The following RAET1L variants were observed in gnomAD, a reference collection of about 807,000 sequenced individuals.
RAET1L encodes retinoic acid early transcript 1L, also known as UL16-binding protein 6.
Under a neutral mutation model 23.9 loss-of-function variants are expected in RAET1L, and 16 were observed. The observed-to-expected ratio is 0.67, with a 90% CI of 0.45 to 1.02. The LOEUF (loss-of-function observed/expected upper bound fraction) is 1.02, where lower values mean the gene tolerates loss of function less well. Among genes scored for constraint, RAET1L ranks in the 50% least tolerant of loss-of-function variants. The probability of loss-of-function intolerance (pLI) is 0.00; values close to 1 mark genes in which losing one functional copy is unlikely to be tolerated. For missense variants in RAET1L, 233 were observed against 304.0 expected, an observed-to-expected ratio of 0.77 and a Z score of 1.74; for synonymous variants, 70 against 111.2, an observed-to-expected ratio of 0.63 and a Z score of 2.33.
At chr6:150,019,569 T>TTAATTCCTGGGACCTAAGCC (rs71010878) in intron 4 of RAET1L, among the ~76,000 whole-genome samples, 1 of 134,364 alleles carries the variant, frequency 7.4e-6, no homozygotes, top group South Asian at 2.5e-4. Flanking sequence ...ACCTTCCACC[T>TTAATTCCTGGGACCTAAGCC]ACTTTCTGTG....
intron 2 of RAET1L, among the ~76,000 whole-genome samples, chr6:150,021,664 C>T (rs1373613622): frequency 1.8e-4 from 25 of 139,038 alleles, no homozygotes; most frequent in Non-Finnish European, 3.2e-4. Context: ...GGCACCACCT[C>T]GGCTCACTGC....
In RAET1L at chr6:150,018,793, C is replaced by A. The variant is rs1481842524; in HGVS notation, c.*85G>T. On this transcript the variant is annotated 3_prime_UTR_variant, in exon 5 of 5. Transcript: ENST00000367341. ...ACACCGTAGGTGGTGGGCAGCTGGCCAGACAGAAGGGCGAGGTTGATCAAG... is the reference window on the plus strand; with the variant it reads ...ACACCGTAGGTGGTGGGCAGCTGGCAAGACAGAAGGGCGAGGTTGATCAAG... 1.1e-5 allele frequency: 3 copies of A among 279,080 alleles called. No homozygotes were observed. The highest frequency in any genetic ancestry group is 4.6e-5 in the African/African-American group (2 of 43,438). 17.3% of individuals were successfully genotyped at this position (279,080 alleles called of 1,614,324 possible).
In RAET1L at chr6:150,021,091, G is replaced by A. The variant is rs375980644; in HGVS notation, c.445C>T (p.Leu149=). The part of the protein sequence containing the change: ...WQFSIDGQTF[L]LFDSEKRMWT... ...ATTCTCTTCTCTGAGTCAAAGAGTA[G>A]GAAGGTCTGTCCATCGATACTGAAC... The change falls in exon 3 of 5, where the codon CTA becomes TTA. Residue 149 remains leucine (L), a synonymous_variant. Transcript: ENST00000367341. The A allele has an allele frequency of 3.1e-6, 5 of 1,614,012 alleles. No individual in the cohort carries two copies. In the African/African-American group the frequency reaches 5.3e-5, roughly 17 times the overall value.
At chr6:150,022,678 C>A (rs1582848790) in intron 1 of RAET1L, among the ~76,000 whole-genome samples, 1 of 117,414 alleles carries the variant, frequency 8.5e-6, no homozygotes, top group Middle Eastern at 4.3e-3. Context: ...GAGGATGGAA[C>A]CCCGTTGGAT....
chr6:150,025,087 G>A (rs889065747), intron 1 of RAET1L, among the ~76,000 whole-genome samples: 2 of 152,148 alleles, frequency 1.3e-5, no homozygotes, highest in Non-Finnish European at 2.9e-5. Context: ...CCGAAAGGCG[G>A]GTGGGACTGC....
Position 150,025,450 on chromosome 6 carries a change from C to T in RAET1L, c.22G>A (p.Ala8Thr). Residue 8 changes from alanine (A) to threonine (T), a missense_variant, in exon 1 of 5, where the codon GCT becomes ACT. This residue lies in a region of RAET1L where 42 missense variants were observed against 35.0 expected (regional missense o/e 1.20). Coordinates refer to ENST00000367341, the MANE Select transcript of RAET1L (RefSeq NM_130900.3). MAAAAIPALLLCLPLLFL... is the reference protein window; with the variant it reads MAAAAIPTLLLCLPLLFL... ...AGAAGCGGGAGGCACAGAAGCAAAGCTGGGATGGCGGCTGCTGCCATTGGG... is the reference window on the plus strand; with the variant it reads ...AGAAGCGGGAGGCACAGAAGCAAAGTTGGGATGGCGGCTGCTGCCATTGGG... 1 of 1,614,030 alleles carries T rather than the reference C, an allele frequency of 6.2e-7. No individual in the cohort carries two copies.
At chr6:150,023,583 ACTCTGCTGTTG>A (rs1354801866) in intron 1 of RAET1L, among the ~76,000 whole-genome samples, 1 of 152,138 alleles carries the variant, frequency 6.6e-6, no homozygotes, top group African/African-American at 2.4e-5. Flanking sequence ...TAACTACTCA[ACTCTGCTGTTG>A]AAGCTCAAAA....
At chr6:150,021,236 C>T (rs1779883953) in intron 2 of RAET1L, 50 bp from the exon 3 acceptor site, 2 of 1,566,526 alleles carry the variant, frequency 1.3e-6, no homozygotes, top group Non-Finnish European at 1.7e-6. Context: ...ATTTTGCACC[C>T]CCATCCTGTT....
chr6:150,020,473 C>T (rs946664689), intron 3 of RAET1L, among the ~76,000 whole-genome samples: 5 of 152,136 alleles, frequency 3.3e-5, no homozygotes, highest in African/African-American at 1.2e-4. Flanking sequence ...ACACCCCACC[C>T]TCCTGCTGTG....
At chr6:150,025,287 C>T in intron 1 of RAET1L, 100 bp downstream of exon 1, 1 of 993,436 alleles carries the variant, frequency 1.0e-6, no homozygotes, top group Non-Finnish European at 1.5e-6. Context: ...GGGAGATCTC[C>T]CTTGTCCTTC....
intron 1 of RAET1L, among the ~76,000 whole-genome samples, chr6:150,025,060 G>T (rs371682659): frequency 6.6e-6 from 1 of 152,106 alleles, no homozygotes; most frequent in African/African-American, 2.4e-5. Context: ...TTCCCGGGGG[G>T]GCTCTGGTTT....
chr6:150,024,440 G>T (rs1364212668), intron 1 of RAET1L, among the ~76,000 whole-genome samples: 3 of 152,138 alleles, frequency 2.0e-5, no homozygotes, highest in African/African-American at 7.2e-5. Context: ...CACAGAGACG[G>T]AGAACCCATG....
chr6:150,025,336 A>C lies in RAET1L; in HGVS notation c.85+51T>G, dbSNP rs144066641. 3.1e-4 allele frequency: 468 copies of C among 1,499,470 alleles called. No homozygotes were observed. In the African/African-American group the frequency reaches 5.5e-3, roughly 18 times the overall value. The allele number at this position is 1,499,470 out of a possible 1,614,324, so 92.9% of individuals were successfully genotyped here. On this transcript the variant is annotated intron_variant, in intron 1 of 4. Coordinates refer to ENST00000367341, the MANE Select transcript of RAET1L (RefSeq NM_130900.3). ...TCCTCTGAAACCCGCTGCAGTCCACAGTCCCTCAGGTTTGGCCCCCGCCCC... is the reference window on the plus strand; with the variant it reads ...TCCTCTGAAACCCGCTGCAGTCCACCGTCCCTCAGGTTTGGCCCCCGCCCC...
At position 150,018,350 on chromosome 6, in the gene RAET1L, CTCTT is replaced by C. The variant is rs1304552703; in HGVS notation, c.*524_*527del. On this transcript the variant is annotated 3_prime_UTR_variant, in exon 5 of 5. Transcript: ENST00000367341. Reference sequence around the variant, plus strand: ...CTCAGTAGGTTTTTGGGAAATATAACTCTTTATTTAAATATCAGTACACAGCAAT... The same window carrying C: ...CTCAGTAGGTTTTTGGGAAATATAACTATTTAAATATCAGTACACAGCAAT... 6 of 152,102 alleles carry C rather than the reference CTCTT, an allele frequency of 3.9e-5. No individual in the cohort carries two copies. The highest frequency in any genetic ancestry group is 8.8e-5 in the Non-Finnish European group (6 of 68,016). 9.4% of individuals were successfully genotyped at this position (152,102 alleles called of 1,614,324 possible). A position where few individuals can be genotyped will look rare whatever the true frequency, so the allele number is the denominator to read the frequency against.
At chr6:150,023,948 G>A (rs4242285) in intron 1 of RAET1L, among the ~76,000 whole-genome samples, 137,634 of 152,116 alleles carry the variant, frequency 0.9, 62,549 homozygotes, top group African/African-American at 0.98. Flanking sequence ...TGGGCTCCTC[G>A]CCCTCTAGGT....
rs753632650 is a variant in RAET1L, at chr6:150,025,413, A to G, written c.59T>C (p.Phe20Ser). The stretch of plus-strand genomic sequence containing the variant: ...GTCTCGCCTAGCCCGGGACCAGCCG[A>G]ACAGCAGGAACAGAAGCGGGAGGCA... Reference protein sequence around the residue: ...LLCLPLLFLLFGWSRARRDDP... With the variant: ...LLCLPLLFLLSGWSRARRDDP... Residue 20 changes from phenylalanine to serine, a missense_variant, in exon 1 of 5, where the codon TTC becomes TCC. Physicochemically the swap from Phe to Ser is radical, Grantham distance 155. Coordinates refer to ENST00000367341, the MANE Select transcript of RAET1L (RefSeq NM_130900.3). 1.2e-6 allele frequency: 2 copies of G among 1,614,046 alleles called. No individual in the cohort carries two copies. Among genetic ancestry groups the G allele is most frequent in the Non-Finnish European group, 1.7e-6 (2 of 1,179,914 alleles).
intron 4 of RAET1L, among the ~76,000 whole-genome samples, chr6:150,019,569 T>TTAATTCCTGGAACCCA (rs71010878): frequency 1.5e-5 from 2 of 134,476 alleles, no homozygotes; most frequent in African/African-American, 5.3e-5. Flanking sequence ...ACCTTCCACC[T>TTAATTCCTGGAACCCA]ACTTTCTGTG....
Position 150,025,456 on chromosome 6 carries a change from T to A in RAET1L, c.16A>T (p.Ile6Phe), listed in dbSNP as rs780373442. Residue 6 changes from isoleucine (I) to phenylalanine (F), a missense_variant, in exon 1 of 5, where the codon ATC (isoleucine) becomes TTC (phenylalanine). Physicochemically the swap from Ile to Phe is conservative, Grantham distance 21 (BLOSUM62 0). Around this residue, in one of 4 missense-constraint regions of RAET1L, gnomAD observed 42 missense variants for 35.0 expected, o/e 1.20. Coordinates refer to ENST00000367341, the MANE Select transcript of RAET1L (RefSeq NM_130900.3). ...GGGAGGCACAGAAGCAAAGCTGGGA[T>A]GGCGGCTGCTGCCATTGGGGACCAG... MAAAA[I>F]PALLLCLPLL... 4 of 1,613,970 alleles carry A rather than the reference T, an allele frequency of 2.5e-6. No individual in the cohort carries two copies. Among genetic ancestry groups the A allele is most frequent in the Non-Finnish European group, 2.5e-6 (3 of 1,179,864 alleles).
At chr6:150,020,654 A>C (rs1488146445) in intron 3 of RAET1L, among the ~76,000 whole-genome samples, 2 of 152,280 alleles carry the variant, frequency 1.3e-5, no homozygotes, top group East Asian at 3.9e-4. Flanking sequence ...CTGCAGTTTC[A>C]AGGCTGGTGA....
Sources: allele counts gnomAD v4.1 joint callset (sites outside exome capture counted in the v4.1 genomes callset), GRCh38; gene constraint gnomAD v4.1.1; regional missense constraint gnomAD v4.1.1; transcripts MANE v1.5; gene names NCBI Gene and HGNC (gene_info 2026-07-23, HGNC 2026-07-21).